Variants in HCN1 observed in about 807,000 individuals in gnomAD.
HCN1 encodes potassium/sodium hyperpolarization-activated cyclic nucleotide-gated channel 1.
HCN1 carries 13 observed loss-of-function variants against 78.9 expected under a neutral mutation model. The ratio of observed to expected loss-of-function variants is 0.16; its 90% CI spans 0.11 to 0.26. The LOEUF (loss-of-function observed/expected upper bound fraction) is 0.26, where lower values mean the gene tolerates loss of function less well. Among genes scored for constraint, HCN1 ranks in the 10% least tolerant of loss-of-function variants. The probability of loss-of-function intolerance (pLI) is 1.00; values close to 1 mark genes in which losing one functional copy is unlikely to be tolerated. For missense variants in HCN1, 810 were observed against 1,154.3 expected (o/e 0.70, Z 4.32); for synonymous variants, 552 against 455.5 (o/e 1.21, Z -2.70).
chr5:45,568,173 A>G (rs1743747634), intron 2 of HCN1, among the ~76,000 whole-genome samples: 1 of 152,046 alleles, frequency 6.6e-6, no homozygotes, highest in South Asian at 2.1e-4. Flanking sequence ...TATTAAGAGT[A>G]TTTTCTCTTT....
intron 6 of HCN1, among the ~76,000 whole-genome samples, chr5:45,275,826 C>T (rs1218618005): frequency 6.6e-6 from 1 of 152,030 alleles, no homozygotes; most frequent in Non-Finnish European, 1.5e-5. Flanking sequence ...AAGGGTAAAA[C>T]CACAATTTTT....
At chr5:45,554,564 A>G (rs1743433220) in intron 2 of HCN1, among the ~76,000 whole-genome samples, 1 of 151,734 alleles carries the variant, frequency 6.6e-6, no homozygotes, top group Admixed American at 6.6e-5. Context: ...TGTCTGATAG[A>G]TCTGAAAACC....
chr5:45,303,506 C>T (rs1309032046), intron 6 of HCN1, 93 bp downstream of exon 6: 1 of 1,365,748 alleles, frequency 7.3e-7, no homozygotes, highest in Admixed American at 1.7e-5. Flanking sequence ...ACATTCAAAA[C>T]CAAAAAACTG....
Position 45,464,836 on chromosome 5 carries a change from G to A in HCN1, c.850-2829C>T, listed in dbSNP as rs190746886. On this transcript the variant is annotated intron_variant, in intron 2 of 7. Transcript: ENST00000303230. ...ACTTTACTCAAGAAAGATTTGGAATGAGAAGGCTACTTCCTTACGGAGCTC... is the reference window on the plus strand; with the variant it reads ...ACTTTACTCAAGAAAGATTTGGAATAAGAAGGCTACTTCCTTACGGAGCTC... Among the ~76,000 whole-genome samples, 1,305 of 152,168 alleles carry A rather than the reference G, an allele frequency of 8.6e-3. 11 individuals carry two copies. Among genetic ancestry groups the A allele is most frequent in the Non-Finnish European group, 0.013 (916 of 68,000 alleles).
intron 2 of HCN1, among the ~76,000 whole-genome samples, chr5:45,596,962 A>G (rs1001319523): frequency 1.4e-4 from 22 of 152,186 alleles, no homozygotes; most frequent in Non-Finnish European, 2.9e-5. Context: ...TTATTTGTTT[A>G]CCTTAAAAGA....
chr5:45,660,830 C>G (rs1386880736), intron 1 of HCN1, among the ~76,000 whole-genome samples: 1 of 133,142 alleles, frequency 7.5e-6, no homozygotes, highest in Non-Finnish European at 1.6e-5. Context: ...TACAAAGAGA[C>G]TTAGACTCCC....
intron 3 of HCN1, among the ~76,000 whole-genome samples, chr5:45,436,692 C>G (rs998369948): frequency 6.6e-6 from 1 of 152,146 alleles, no homozygotes; most frequent in African/African-American, 2.4e-5. Flanking sequence ...GTAACACTGA[C>G]AAGGCCTTTG....
At chr5:45,359,468 A>C (rs765951610) in intron 4 of HCN1, among the ~76,000 whole-genome samples, 6 of 151,364 alleles carry the variant, frequency 4.0e-5, no homozygotes, top group Admixed American at 1.3e-4. Context: ...ATAATTTTAT[A>C]GTGTAGTGCC....
intron 3 of HCN1, among the ~76,000 whole-genome samples, chr5:45,404,469 A>G (rs1226292735): frequency 6.6e-6 from 1 of 150,766 alleles, no homozygotes; most frequent in East Asian, 1.9e-4. Flanking sequence ...CATTTAGTTA[A>G]TCACTTCACT....
At chr5:45,568,197 T>C (rs924645375) in intron 2 of HCN1, among the ~76,000 whole-genome samples, 2 of 152,096 alleles carry the variant, frequency 1.3e-5, no homozygotes, top group African/African-American at 4.8e-5. Context: ...GAGCAAATGT[T>C]ACGATCATCA....
chr5:45,336,408 T>C (rs1746456969), intron 5 of HCN1, among the ~76,000 whole-genome samples: 1 of 152,108 alleles, frequency 6.6e-6, no homozygotes, highest in African/African-American at 2.4e-5. Context: ...GGAATGATAA[T>C]TTTTTAAGAT....
intron 1 of HCN1, among the ~76,000 whole-genome samples, chr5:45,656,485 G>C (rs1189755047): frequency 6.6e-6 from 1 of 152,202 alleles, no homozygotes; most frequent in African/African-American, 2.4e-5. Flanking sequence ...AGCAAACATA[G>C]TGCTAGTCCA....
At chr5:45,297,839 GACTA>G (rs1745531161) in intron 6 of HCN1, among the ~76,000 whole-genome samples, 3 of 152,090 alleles carry the variant, frequency 2.0e-5, no homozygotes, top group African/African-American at 4.8e-5. Flanking sequence ...CACATTGACA[GACTA>G]GAGAAGAAAA....
chr5:45,452,286 G>A (rs1740934374), intron 3 of HCN1, among the ~76,000 whole-genome samples: 1 of 150,896 alleles, frequency 6.6e-6, no homozygotes, highest in Admixed American at 6.6e-5. Flanking sequence ...TGTTTCTGAG[G>A]CACCTAGCTG....
intron 1 of HCN1, among the ~76,000 whole-genome samples, chr5:45,659,647 C>T (rs1226466940): frequency 1.5e-4 from 21 of 142,978 alleles, no homozygotes; most frequent in African/African-American, 5.1e-4. Context: ...TCGAGAACTA[C>T]GTGAAGAATG....
At chr5:45,588,796 T>C (rs1433074887) in intron 2 of HCN1, among the ~76,000 whole-genome samples, 1 of 152,172 alleles carries the variant, frequency 6.6e-6, no homozygotes, top group African/African-American at 2.4e-5. Context: ...AAGAATGTCA[T>C]ATAAGCAATG....
intron 3 of HCN1, among the ~76,000 whole-genome samples, chr5:45,460,896 C>G (rs1443402981): frequency 6.7e-5 from 10 of 149,700 alleles, no homozygotes; most frequent in Admixed American, 1.3e-4. Context: ...GCCAACAAAT[C>G]AATAGTAGAA....
At chr5:45,642,946 A>G (rs965452348) in intron 2 of HCN1, 1 of 152,116 alleles carries the variant, frequency 6.6e-6, no homozygotes, top group Non-Finnish European at 1.5e-5. Context: ...AATCAAGAAA[A>G]CATTCTTCAC....
At chr5:45,577,870 C>T (rs7719500) in intron 2 of HCN1, among the ~76,000 whole-genome samples, 40,662 of 151,776 alleles carry the variant, frequency 0.27, 5,544 homozygotes, top group East Asian at 0.32. Context: ...ATATTGTTGC[C>T]TAAGTTGATA....
Sources: allele counts gnomAD v4.1 joint callset (sites outside exome capture counted in the v4.1 genomes callset), GRCh38; gene constraint gnomAD v4.1.1; transcripts MANE v1.5; gene names NCBI Gene and HGNC (gene_info 2026-07-23, HGNC 2026-07-21).